UNC5C: variants seen among roughly 807,000 people sequenced by gnomAD.
The protein encoded by UNC5C is netrin receptor UNC5C.
A neutral mutation model predicts 99.8 loss-of-function variants in UNC5C; 47 were observed. The observed-to-expected ratio is 0.47, with a 90% CI of 0.37 to 0.60. The LOEUF (loss-of-function observed/expected upper bound fraction) is 0.60. Ranked by LOEUF, UNC5C falls within the 20% of genes least tolerant of loss-of-function variation. The pLI is 0.00. For missense variants in UNC5C, 1,062 were observed against 1,165.9 expected (o/e 0.91, Z 1.30); for synonymous variants, 487 against 452.2 (o/e 1.08, Z -0.98).
chr4:95,401,950 A>T (rs563136781), intron 1 of UNC5C, among the ~76,000 whole-genome samples: 1 of 152,358 alleles, frequency 6.6e-6, no homozygotes, highest in South Asian at 2.1e-4. Flanking sequence ...CGAAAGTGGT[A>T]TCTTACTGTG....
At chr4:95,232,541 C>T (rs896928863) in intron 7 of UNC5C, among the ~76,000 whole-genome samples, 12 of 152,100 alleles carry the variant, frequency 7.9e-5, no homozygotes, top group African/African-American at 9.7e-5. Flanking sequence ...CCCGTGATCT[C>T]GAAGGAGCCC....
intron 1 of UNC5C, among the ~76,000 whole-genome samples, chr4:95,470,139 T>C (rs1298049142): frequency 6.6e-6 from 1 of 152,182 alleles, no homozygotes; most frequent in Non-Finnish European, 1.5e-5. Context: ...TGATAGTAAA[T>C]GATAAAATAG....
intron 1 of UNC5C, among the ~76,000 whole-genome samples, chr4:95,471,434 T>C (rs573372815): frequency 3.5e-4 from 54 of 152,192 alleles, no homozygotes; most frequent in African/African-American, 1.3e-3. Flanking sequence ...GGTAAAAGAA[T>C]ATCACAGCAG....
At chr4:95,454,526 A>T (rs913633103) in intron 1 of UNC5C, among the ~76,000 whole-genome samples, 3 of 152,106 alleles carry the variant, frequency 2.0e-5, no homozygotes, top group Non-Finnish European at 4.4e-5. Context: ...ATTTTTAATG[A>T]TGCAAGCAAT....
At chr4:95,279,934 A>G (rs997023679) in intron 3 of UNC5C, among the ~76,000 whole-genome samples, 2 of 152,158 alleles carry the variant, frequency 1.3e-5, no homozygotes, top group East Asian at 1.9e-4. Context: ...TTTGATTCTC[A>G]TAAGAAGTGT....
intron 1 of UNC5C, among the ~76,000 whole-genome samples, chr4:95,520,107 A>G: frequency 6.6e-6 from 1 of 152,200 alleles, no homozygotes; most frequent in Non-Finnish European, 1.5e-5. Flanking sequence ...AAAAGGTAAA[A>G]TGACTTTCCC....
chr4:95,305,960 G>A (rs1282282472), intron 2 of UNC5C, among the ~76,000 whole-genome samples: 1 of 151,964 alleles, frequency 6.6e-6, no homozygotes, highest in Admixed American at 6.6e-5. Context: ...TAGTGGTAAG[G>A]CACCACAAAT....
rs1735979139 is a variant in UNC5C at position 95,169,112 on chromosome 4, C to T, written c.*122G>A. 1 of 1,252,426 alleles carries T rather than the reference C, an allele frequency of 8.0e-7. No individual in the cohort carries two copies. The highest frequency in any genetic ancestry group is 1.1e-6 in the Non-Finnish European group (1 of 893,258). 77.6% of individuals were successfully genotyped at this position (1,252,426 alleles called of 1,614,324 possible). A position where few individuals can be genotyped will look rare whatever the true frequency, so the allele number is the denominator to read the frequency against. The stretch of plus-strand genomic sequence containing the variant: ...GTATCTGTTTTCCTTCTGGCTCCTG[C>T]TGCAGTCTTGCCTGTGAAGTGCATT... On this transcript the variant is annotated 3_prime_UTR_variant, in exon 16 of 16. Coordinates refer to ENST00000453304, the MANE Select transcript of UNC5C (RefSeq NM_003728.4).
At chr4:95,341,552 A>G (rs1743582780) in intron 1 of UNC5C, among the ~76,000 whole-genome samples, 1 of 151,958 alleles carries the variant, frequency 6.6e-6, no homozygotes, top group Admixed American at 6.6e-5. Context: ...AAAGAAAAAG[A>G]AAGAAAGGAG....
intron 3 of UNC5C, 86 bp from the exon 4 acceptor site, chr4:95,278,448 T>A: frequency 1.0e-6 from 1 of 1,004,450 alleles, no homozygotes; most frequent in South Asian, 1.4e-5. Flanking sequence ...TCTGGCTTAG[T>A]ATTTTATCTG....
intron 2 of UNC5C, among the ~76,000 whole-genome samples, chr4:95,305,910 A>G (rs1742044848): frequency 6.6e-6 from 1 of 152,188 alleles, no homozygotes. Flanking sequence ...TAATGACATG[A>G]CATTTATTTC....
At chr4:95,367,314 G>T (rs913553970) in intron 1 of UNC5C, among the ~76,000 whole-genome samples, 1 of 151,162 alleles carries the variant, frequency 6.6e-6, no homozygotes, top group Non-Finnish European at 1.5e-5. Flanking sequence ...GATTATGGGC[G>T]TACACCACCA....
chr4:95,217,977 T>C (rs1354684693), intron 9 of UNC5C, among the ~76,000 whole-genome samples: 1 of 152,180 alleles, frequency 6.6e-6, no homozygotes, highest in African/African-American at 2.4e-5. Context: ...AAAATATACT[T>C]TTAAAGGTTT....
intron 7 of UNC5C, chr4:95,222,416 C>T: frequency 1.9e-6 from 1 of 519,716 alleles, no homozygotes; most frequent in Non-Finnish European, 3.3e-6. Context: ...TATGATTTTG[C>T]ATCTCCTGTC....
At chr4:95,455,332 C>T (rs1044423141) in intron 1 of UNC5C, among the ~76,000 whole-genome samples, 2 of 152,142 alleles carry the variant, frequency 1.3e-5, no homozygotes, top group East Asian at 1.9e-4. Context: ...AACAAAACCT[C>T]GATTGCATTT....
intron 4 of UNC5C, among the ~76,000 whole-genome samples, chr4:95,261,334 A>C (rs187630729): frequency 6.6e-6 from 1 of 152,326 alleles, no homozygotes; most frequent in East Asian, 1.9e-4. Context: ...TTTCAGAACT[A>C]GCAGTAGAAT....
chr4:95,515,093 G>A (rs539311283), intron 1 of UNC5C, among the ~76,000 whole-genome samples: 1 of 152,062 alleles, frequency 6.6e-6, no homozygotes, highest in Admixed American at 6.5e-5. Flanking sequence ...TAAATGACAG[G>A]AAATTAATCA....
intron 1 of UNC5C, among the ~76,000 whole-genome samples, chr4:95,349,534 C>T (rs939579985): frequency 2.6e-5 from 4 of 151,214 alleles, no homozygotes; most frequent in African/African-American, 9.7e-5. Flanking sequence ...TTTTCAAATC[C>T]TAGATTATCA....
chr4:95,410,899 A>G (rs1301829128), intron 1 of UNC5C, among the ~76,000 whole-genome samples: 1 of 152,108 alleles, frequency 6.6e-6, no homozygotes, highest in East Asian at 1.9e-4. Flanking sequence ...CCTCCTCACC[A>G]CCACCTGGTT....
Sources: allele counts gnomAD v4.1 joint callset (sites outside exome capture counted in the v4.1 genomes callset), GRCh38; gene constraint gnomAD v4.1.1; transcripts MANE v1.5; gene names NCBI Gene and HGNC (gene_info 2026-07-23, HGNC 2026-07-21).